TENM3: variants seen among roughly 807,000 people sequenced by gnomAD.
TENM3 encodes the protein teneurin-3.
TENM3 carries 63 observed loss-of-function variants against 255.1 expected under a neutral mutation model. The ratio of observed to expected loss-of-function variants is 0.25; its 90% confidence interval spans 0.20 to 0.30. The LOEUF (loss-of-function observed/expected upper bound fraction) is 0.30. TENM3 is among the 10% of genes least tolerant of loss of function. The pLI is 1.00. For synonymous variants in TENM3, 1,306 were observed against 1,322.3 expected (o/e 0.99, Z 0.27); for missense variants, 2,929 against 3,461.1 (o/e 0.85, Z 3.86).
chr4:182,244,144 G>C (rs1438899995), intron 1 of TENM3, among the ~76,000 whole-genome samples: 1 of 151,002 alleles, frequency 6.6e-6, no homozygotes, highest in Admixed American at 6.6e-5. Context: ...TAGTAGAGAC[G>C]GGGTTTCACC....
the TENM3 span, among the ~76,000 whole-genome samples, chr4:181,698,398 A>G: frequency 2.0e-5 from 3 of 152,028 alleles, no homozygotes; most frequent in African/African-American, 7.2e-5. Flanking sequence ...CTAGTTATTT[A>G]TTTTAATGCC....
intron 3 of TENM3, among the ~76,000 whole-genome samples, chr4:182,514,521 G>A (rs1370627032): frequency 1.3e-5 from 2 of 152,150 alleles, no homozygotes; most frequent in African/African-American, 4.8e-5. Context: ...AAACTTTTAT[G>A]ACTATGAAAC....
the TENM3 span, among the ~76,000 whole-genome samples, chr4:181,585,178 T>C: frequency 4.0e-4 from 61 of 152,080 alleles, no homozygotes; most frequent in Non-Finnish European, 2.9e-5. Context: ...AAAATTACTT[T>C]AGGAGCCATG....
the TENM3 span, among the ~76,000 whole-genome samples, chr4:181,826,862 G>C: frequency 6.6e-6 from 1 of 152,170 alleles, no homozygotes. Context: ...CTAAAGGGAA[G>C]ATAAAATTTG....
chr4:182,182,655 G>A (rs76615334), intron 1 of TENM3, among the ~76,000 whole-genome samples: 4 of 152,078 alleles, frequency 2.6e-5, no homozygotes, highest in East Asian at 1.9e-4. Context: ...GAACCTAGAC[G>A]CCCTGAGTTA....
rs149135585 is a variant in TENM3 at position 182,705,306 on chromosome 4, G to T, written c.2222-8781G>T. ...TCCGTGTTCGGAAGTATTATGAAAT[G>T]CTCAATGCTAACTAAAAATCTGCCC... On this transcript the variant is annotated intron_variant, in intron 12 of 27. Coordinates refer to ENST00000511685, the MANE Select transcript of TENM3 (RefSeq NM_001080477.4). Among the ~76,000 whole-genome samples the T allele has an allele frequency of 4.1e-3, 628 of 152,288 alleles. 3 individuals carry two copies. The highest frequency in any genetic ancestry group is 0.014 in the African/African-American group (600 of 41,554).
chr4:181,846,778 A>T, the TENM3 span, among the ~76,000 whole-genome samples: 4 of 152,204 alleles, frequency 2.6e-5, no homozygotes, highest in African/African-American at 9.7e-5. Context: ...CCCACACAGG[A>T]TCTCTGCCCT....
chr4:181,614,726 T>A, the TENM3 span, among the ~76,000 whole-genome samples: 8 of 152,214 alleles, frequency 5.3e-5, no homozygotes, highest in African/African-American at 1.4e-4. Context: ...TATGGGCGAT[T>A]TGCAACTTTG....
At chr4:181,794,686 G>T in the TENM3 span, among the ~76,000 whole-genome samples, 23 of 151,822 alleles carry the variant, frequency 1.5e-4, no homozygotes, top group African/African-American at 5.1e-4. Context: ...GTGTGTGTGT[G>T]TGTGTGTGTG....
the TENM3 span, among the ~76,000 whole-genome samples, chr4:181,625,486 C>T: frequency 2.8e-4 from 43 of 152,292 alleles, no homozygotes; most frequent in African/African-American, 1.0e-3. Flanking sequence ...GCCACCTGCA[C>T]TTCGCAGTCT....
the TENM3 span, among the ~76,000 whole-genome samples, chr4:181,984,910 A>T: frequency 6.6e-6 from 1 of 151,848 alleles, no homozygotes; most frequent in African/African-American, 2.4e-5. Context: ...CTAGAGAAGT[A>T]GGGAAAAGTC....
At chr4:182,175,896 T>C (rs1336240848) in intron 1 of TENM3, among the ~76,000 whole-genome samples, 2 of 151,990 alleles carry the variant, frequency 1.3e-5, no homozygotes, top group African/African-American at 4.8e-5. Context: ...TTCGATACAA[T>C]TGGAATGACA....
the TENM3 span, among the ~76,000 whole-genome samples, chr4:181,871,147 A>C: frequency 2.0e-5 from 3 of 152,130 alleles, no homozygotes; most frequent in Admixed American, 2.0e-4. Context: ...ATACCACACT[A>C]AGAACACTGT....
intron 22 of TENM3, among the ~76,000 whole-genome samples, chr4:182,757,664 A>G (rs1762839196): frequency 6.6e-6 from 1 of 152,206 alleles, no homozygotes; most frequent in Non-Finnish European, 1.5e-5. Context: ...ATGATAGTGC[A>G]AAAAAGAAGA....
the TENM3 span, among the ~76,000 whole-genome samples, chr4:182,062,809 A>T: frequency 9.8e-5 from 15 of 152,366 alleles, no homozygotes; most frequent in Middle Eastern, 3.4e-3. Flanking sequence ...GAAGTTTAGT[A>T]TGAACTCTGT....
At chr4:182,524,388 G>GTCTC (rs1200153698) in intron 3 of TENM3, among the ~76,000 whole-genome samples, 1 of 109,738 alleles carries the variant, frequency 9.1e-6, no homozygotes, top group Admixed American at 1.4e-4. Flanking sequence ...TTGAGTCAGA[G>GTCTC]TCTCTCTCTG....
chr4:182,356,733 A>G (rs1765565152), intron 3 of TENM3, among the ~76,000 whole-genome samples: 1 of 151,788 alleles, frequency 6.6e-6, no homozygotes, highest in Admixed American at 6.6e-5. Context: ...TATTATTATT[A>G]TACTTTAAGT....
chr4:181,831,932 G>A, the TENM3 span, among the ~76,000 whole-genome samples: 1 of 149,968 alleles, frequency 6.7e-6, no homozygotes, highest in Non-Finnish European at 1.5e-5. Context: ...AAGCATCAGG[G>A]AATATACATC....
chr4:182,144,782 C>G (rs1749803325), intron 1 of TENM3: 1 of 149,974 alleles, frequency 6.7e-6, no homozygotes, highest in Non-Finnish European at 1.5e-5. Flanking sequence ...GCCGGCGCGC[C>G]CTCCTTCCTT....
Sources: allele counts gnomAD v4.1 joint callset (sites outside exome capture counted in the v4.1 genomes callset), GRCh38; gene constraint gnomAD v4.1.1; transcripts MANE v1.5; gene names NCBI Gene and HGNC (gene_info 2026-07-23, HGNC 2026-07-21).